DENND1B: variants seen among roughly 807,000 people sequenced by gnomAD.
The protein encoded by DENND1B is DENN domain-containing protein 1B.
In DENND1B, 59 loss-of-function variants were observed where a neutral mutation model predicts 90.1. The ratio of observed to expected loss-of-function variants is 0.65; its 90% CI spans 0.53 to 0.81. The LOEUF (loss-of-function observed/expected upper bound fraction) is 0.81. Ranked by LOEUF, DENND1B falls within the 40% of genes least tolerant of loss-of-function variation. DENND1B has a pLI of 0.00. For synonymous variants in DENND1B, 337 were observed against 324.6 expected (o/e 1.04, Z -0.41); for missense variants, 862 against 912.6 (o/e 0.94, Z 0.71).
chr1:197,613,058 A>C (rs947258061), intron 11 of DENND1B, among the ~76,000 whole-genome samples: 2 of 150,782 alleles, frequency 1.3e-5, no homozygotes, highest in African/African-American at 4.8e-5. Flanking sequence ...CTCTATTATG[A>C]CACTCTTTTT....
chr1:197,697,163 T>A (rs570368920), intron 3 of DENND1B, among the ~76,000 whole-genome samples: 2 of 151,120 alleles, frequency 1.3e-5, no homozygotes, highest in African/African-American at 4.8e-5. Flanking sequence ...CCATGCCCTC[T>A]CATTTGCTGA....
At chr1:197,626,851 C>T (rs1211885785) in intron 10 of DENND1B, among the ~76,000 whole-genome samples, 1 of 151,932 alleles carries the variant, frequency 6.6e-6, no homozygotes, top group East Asian at 1.9e-4. Context: ...AGGATATCAC[C>T]ACCAATCCCA....
At chr1:197,551,001 A>G (rs934748804) in intron 16 of DENND1B, among the ~76,000 whole-genome samples, 7 of 151,824 alleles carry the variant, frequency 4.6e-5, no homozygotes, top group African/African-American at 1.7e-4. Context: ...ATTTCATGAC[A>G]TCGATATATT....
At position 197,551,232 on chromosome 1, in the gene DENND1B, G is replaced by T. The variant is rs968961473; in HGVS notation, c.1240+1790C>A. 5.3e-5 allele frequency among the ~76,000 whole-genome samples: 8 copies of T among 152,008 alleles called. No individual in the cohort carries two copies. The East Asian group carries it at 1.6e-3, about 29-fold the overall frequency. ...TGCTTTATTTTCATCTACAAAAAAA[G>T]TCTATGTATAAAATAACATAACACA... On this transcript the variant is annotated intron_variant, in intron 16 of 22. Transcript: ENST00000620048.
chr1:197,690,174 G>A, intron 3 of DENND1B: 1 of 288,636 alleles, frequency 3.5e-6, no homozygotes, highest in Non-Finnish European at 6.8e-6. Flanking sequence ...TCTTCCTAAG[G>A]ATAATGTGGG....
At chr1:197,567,006 GTAAA>G (rs1447387990) in intron 15 of DENND1B, among the ~76,000 whole-genome samples, 1 of 151,970 alleles carries the variant, frequency 6.6e-6, no homozygotes, top group Non-Finnish European at 1.5e-5. Context: ...AATAGTGACA[GTAAA>G]TAAAGATTAG....
At chr1:197,714,238 G>T (rs1660399990) in intron 3 of DENND1B, among the ~76,000 whole-genome samples, 1 of 151,656 alleles carries the variant, frequency 6.6e-6, no homozygotes, top group Non-Finnish European at 1.5e-5. Context: ...CTCCCAAAGT[G>T]CTAGGATTAC....
In DENND1B at chr1:197,687,474, T is replaced by G. The variant is rs1447342136; in HGVS notation, c.127-13305A>C. Among the ~76,000 whole-genome samples, 3 of 152,224 alleles carry G rather than the reference T, an allele frequency of 2.0e-5. No individual in the cohort carries two copies. In the East Asian group the frequency reaches 5.8e-4, roughly 29 times the overall value. ...GTCTAAGACTTATCTATTTATCTTCTTCAAAAATTTCTACTTTCCCTTAAT... is the reference window on the plus strand; with the variant it reads ...GTCTAAGACTTATCTATTTATCTTCGTCAAAAATTTCTACTTTCCCTTAAT... On this transcript the variant is annotated intron_variant, in intron 3 of 22. Transcript: ENST00000620048.
chr1:197,638,424 T>C (rs531455505), intron 10 of DENND1B, among the ~76,000 whole-genome samples: 1 of 152,286 alleles, frequency 6.6e-6, no homozygotes, highest in Admixed American at 6.5e-5. Flanking sequence ...AGATACACTC[T>C]AGTTAACATA....
intron 2 of DENND1B, among the ~76,000 whole-genome samples, chr1:197,717,701 A>G (rs1011866767): frequency 1.3e-5 from 2 of 151,996 alleles, no homozygotes; most frequent in African/African-American, 4.8e-5. Flanking sequence ...TTTAAAATGT[A>G]AAGTAAGATA....
chr1:197,629,998 G>A (rs1679181456), intron 10 of DENND1B, among the ~76,000 whole-genome samples: 5 of 151,960 alleles, frequency 3.3e-5, no homozygotes, highest in Admixed American at 2.0e-4. Context: ...TTAAAACAAT[G>A]AGATACCACT....
At chr1:197,670,689 C>T (rs903756736) in intron 5 of DENND1B, among the ~76,000 whole-genome samples, 1 of 151,848 alleles carries the variant, frequency 6.6e-6, no homozygotes, top group African/African-American at 2.4e-5. Context: ...TCCATTAGGG[C>T]AAATCCATCT....
intron 2 of DENND1B, among the ~76,000 whole-genome samples, chr1:197,725,605 A>C (rs1238716457): frequency 6.6e-6 from 1 of 152,050 alleles, no homozygotes; most frequent in South Asian, 2.1e-4. Context: ...TCTATGAAAC[A>C]CTATACAACT....
chr1:197,753,844 T>C (rs2102422207), intron 2 of DENND1B, among the ~76,000 whole-genome samples: 1 of 151,598 alleles, frequency 6.6e-6, no homozygotes, highest in East Asian at 1.9e-4. Context: ...CTACTAAAAA[T>C]ACAAAAAAAA....
chr1:197,534,456 GAA>G (rs1168754267), intron 20 of DENND1B, among the ~76,000 whole-genome samples: 1 of 152,182 alleles, frequency 6.6e-6, no homozygotes, highest in Non-Finnish European at 1.5e-5. Flanking sequence ...TTGTGACACT[GAA>G]AAGATTTGTG....
chr1:197,573,019 T>C (rs1333917009), intron 15 of DENND1B, among the ~76,000 whole-genome samples: 2 of 152,138 alleles, frequency 1.3e-5, no homozygotes, highest in Admixed American at 6.5e-5. Flanking sequence ...GTCTATTTGA[T>C]TCTTCTCTCT....
At chr1:197,598,442 G>A (rs1675905122) in intron 13 of DENND1B, among the ~76,000 whole-genome samples, 1 of 151,686 alleles carries the variant, frequency 6.6e-6, no homozygotes. Flanking sequence ...TACATCACTG[G>A]AGTAAATTAT....
intron 11 of DENND1B, among the ~76,000 whole-genome samples, chr1:197,615,094 T>C (rs765573618): frequency 6.0e-5 from 9 of 151,092 alleles, no homozygotes; most frequent in Non-Finnish European, 1.3e-4. Context: ...ATGCCTATTC[T>C]GTAATACTTA....
chr1:197,758,511 C>G (rs1654595821), intron 2 of DENND1B, among the ~76,000 whole-genome samples: 1 of 152,140 alleles, frequency 6.6e-6, no homozygotes, highest in Non-Finnish European at 1.5e-5. Flanking sequence ...ATTTGACTCT[C>G]ATAACAATTA....
Sources: allele counts gnomAD v4.1 joint callset (sites outside exome capture counted in the v4.1 genomes callset), GRCh38; gene constraint gnomAD v4.1.1; transcripts MANE v1.5; gene names NCBI Gene and HGNC (gene_info 2026-07-23, HGNC 2026-07-21).